The following FABP7 variants were observed in gnomAD, a reference collection of about 807,000 sequenced individuals.
FABP7 encodes fatty acid-binding protein, brain.
FABP7 carries 13 observed loss-of-function variants against 14.2 expected under a neutral mutation model. The ratio of observed to expected loss-of-function variants is 0.91; its 90% CI spans 0.59 to 1.45. The LOEUF is 1.45. Ranked by LOEUF, FABP7 falls within the 40% of genes most tolerant of loss-of-function variation. FABP7 has a pLI of 0.00. For missense variants in FABP7, 149 were observed against 157.6 expected, an observed-to-expected ratio of 0.95 and a Z score of 0.29; for synonymous variants, 49 against 51.4, an observed-to-expected ratio of 0.95 and a Z score of 0.20.
chr6:122,762,011 A>C, the FABP7 span, among the ~76,000 whole-genome samples: 1 of 152,324 alleles, frequency 6.6e-6, no homozygotes, highest in East Asian at 1.9e-4. Context: ...ATCAATAGAA[A>C]AAGAGGGAAT....
the FABP7 span, among the ~76,000 whole-genome samples, chr6:122,759,427 T>C: frequency 6.6e-6 from 1 of 152,214 alleles, no homozygotes; most frequent in East Asian, 1.9e-4. Flanking sequence ...CTTCTTTTCT[T>C]CCTATTTTTC....
chr6:122,780,365 G>C lies in FABP7; in HGVS notation c.148G>C (p.Val50Leu). 1 of 1,614,180 alleles carries C rather than the reference G, an allele frequency of 6.2e-7. No individual in the cohort carries two copies. ...AATTATCAGTCAAGAAGGAGACAAA[G>C]TGGTCATCAGGACTCTCAGCACATT... is the stretch of plus-strand genomic sequence containing the variant. ...TVIISQEGDK[V>L]VIRTLSTFKN... is the part of the protein sequence containing the mutation. The change falls in exon 2 of 4, where the codon GTG becomes CTG. Residue 50 changes from valine (V) to leucine (L), a missense_variant. Transcript: ENST00000368444.
chr6:122,781,140 G>A lies in FABP7; in HGVS notation c.294G>A (p.Trp98Ter). The A allele has an allele frequency of 6.2e-7, 1 of 1,613,838 alleles. No individual in the cohort carries two copies. The highest frequency in any genetic ancestry group is 8.5e-7 in the Non-Finnish European group (1 of 1,179,858). ...ACAAACTTGTTCACATACAGAAATG[G>A]GATGGCAAAGAAACAAATTTTGTAA... ...DGDKLVHIQK[W>*]DGKETNFVRE... Residue 98 changes from tryptophan (W) to a stop codon, truncating the protein, a stop_gained, in exon 3 of 4, where the codon TGG becomes TGA. Coordinates refer to ENST00000368444, the MANE Select transcript of FABP7 (RefSeq NM_001446.5). LOFTEE classifies it high-confidence loss of function.
the FABP7 span, among the ~76,000 whole-genome samples, chr6:122,751,671 C>G: frequency 3.9e-5 from 6 of 152,172 alleles, no homozygotes; most frequent in Non-Finnish European, 7.4e-5. Context: ...CTGCAGAACT[C>G]AACAAAGCTT....
chr6:122,760,537 G>GT, the FABP7 span, among the ~76,000 whole-genome samples: 40,245 of 145,852 alleles, frequency 0.28, 6,182 homozygotes, highest in Non-Finnish European at 0.37. Context: ...TCTGCTCTTT[G>GT]TTTTTTTTTT....
At chr6:122,749,788 C>T in the FABP7 span, among the ~76,000 whole-genome samples, 2 of 152,162 alleles carry the variant, frequency 1.3e-5, no homozygotes, top group East Asian at 1.9e-4. Context: ...AATGATTTCT[C>T]ACAGACAAGA....
Position 122,783,895 on chromosome 6 carries a change from G to C in FABP7, c.*128G>C. ...ATCCTTGGTGTGGAGGTGGAAAATG[G>C]TGATTTAAAAACTTGTTACTCCAAG... is the stretch of plus-strand genomic sequence containing the variant. On this transcript the variant is annotated 3_prime_UTR_variant, in exon 4 of 4. Coordinates refer to ENST00000368444, the MANE Select transcript of FABP7 (RefSeq NM_001446.5). 2.8e-6 allele frequency: 2 copies of C among 723,000 alleles called. No individual in the cohort carries two copies. Among genetic ancestry groups the C allele is most frequent in the Non-Finnish European group, 2.2e-6 (1 of 452,894 alleles). The allele number at this position is 723,000 out of a possible 1,614,324, so 44.8% of individuals were successfully genotyped here. A position where few individuals can be genotyped will look rare whatever the true frequency, so the allele number is the denominator to read the frequency against.
chr6:122,773,440 G>C, the FABP7 span, among the ~76,000 whole-genome samples: 1 of 152,036 alleles, frequency 6.6e-6, no homozygotes, highest in Non-Finnish European at 1.5e-5. Flanking sequence ...AATCTATACT[G>C]TCACCTGTAA....
Position 122,782,602 on chromosome 6 carries a change from A to T in FABP7, c.349-1115A>T, listed in dbSNP as rs2115147293. The T allele has an allele frequency of 4.1e-6, 4 of 985,470 alleles. No homozygotes were observed. The South Asian group carries it at 1.9e-4, about 46-fold the overall frequency. 61.0% of individuals were successfully genotyped at this position (985,470 alleles called of 1,614,324 possible). A position where few individuals can be genotyped will look rare whatever the true frequency, so the allele number is the denominator to read the frequency against. On this transcript the variant is annotated intron_variant, in intron 3 of 3. Coordinates refer to ENST00000368444, the MANE Select transcript of FABP7 (RefSeq NM_001446.5). Reference sequence around the variant, plus strand: ...CACTTTTTGTGTGACCTGCAATGGTATATTGATGATACTGACATAGGTGGG... The same window carrying T: ...CACTTTTTGTGTGACCTGCAATGGTTTATTGATGATACTGACATAGGTGGG...
intron 3 of FABP7, 39 bp from the exon 4 acceptor site, chr6:122,783,677 TC>T (rs1461346129): frequency 1.3e-6 from 2 of 1,558,004 alleles, no homozygotes; most frequent in Non-Finnish European, 1.7e-6. Flanking sequence ...TGACTGAAGT[TC>T]CTGTATAAAA....
Position 122,780,348 on chromosome 6 carries a change from G to C in FABP7, c.131G>C (p.Ser44Thr), listed in dbSNP as rs777654295. 6.2e-7 allele frequency: 1 copy of C among 1,614,006 alleles called. No individual in the cohort carries two copies. Among genetic ancestry groups the C allele is most frequent in the African/African-American group, 1.3e-5 (1 of 74,922 alleles). ...GTGACCAAACCAACGGTAATTATCA[G>C]TCAAGAAGGAGACAAAGTGGTCATC... ...GNVTKPTVII[S>T]QEGDKVVIRT... The change falls in exon 2 of 4, where the codon AGT becomes ACT. Residue 44 changes from serine to threonine, a missense_variant. Physicochemically the swap from Ser to Thr is moderately conservative, Grantham distance 58. Coordinates refer to ENST00000368444, the MANE Select transcript of FABP7 (RefSeq NM_001446.5).
chr6:122,763,649 G>T, the FABP7 span, among the ~76,000 whole-genome samples: 1 of 152,070 alleles, frequency 6.6e-6, no homozygotes, highest in South Asian at 2.1e-4. Context: ...ATCTGACAAA[G>T]GGCTAATATC....
chr6:122,768,927 T>C, the FABP7 span, among the ~76,000 whole-genome samples: 1 of 152,108 alleles, frequency 6.6e-6, no homozygotes, highest in Admixed American at 6.6e-5. Flanking sequence ...GGAATGAGGA[T>C]ATCACCATTC....
chr6:122,751,840 C>G, the FABP7 span, among the ~76,000 whole-genome samples: 1 of 152,152 alleles, frequency 6.6e-6, no homozygotes, highest in Admixed American at 6.5e-5. Context: ...GCCTTGCTAG[C>G]TCCCAGGCTC....
the FABP7 span, among the ~76,000 whole-genome samples, chr6:122,758,876 T>A: frequency 6.6e-6 from 1 of 152,182 alleles, no homozygotes; most frequent in Non-Finnish European, 1.5e-5. Context: ...ACTTTTTTGA[T>A]GGGGTAAAAC....
At chr6:122,771,597 C>A in the FABP7 span, among the ~76,000 whole-genome samples, 19 of 152,302 alleles carry the variant, frequency 1.2e-4, no homozygotes. Context: ...TGGCATGGCA[C>A]AAAACTCTCC....
chr6:122,779,814 C>T lies in FABP7; in HGVS notation c.20C>T (p.Ala7Val). 1 of 1,614,154 alleles carries T rather than the reference C, an allele frequency of 6.2e-7. No homozygotes were observed. Among genetic ancestry groups the T allele is most frequent in the Non-Finnish European group, 8.5e-7 (1 of 1,180,026 alleles). ...GCAAGGATGGTGGAGGCTTTCTGTG[C>T]TACCTGGAAGCTGACCAACAGTCAG... MVEAFCATWKLTNSQNF... is the reference protein window; with the variant it reads MVEAFCVTWKLTNSQNF... The change falls in exon 1 of 4, where the codon GCT (alanine) becomes GTT (valine). Residue 7 changes from alanine (A) to valine (V), a missense_variant. Coordinates refer to ENST00000368444, the MANE Select transcript of FABP7 (RefSeq NM_001446.5).
At chr6:122,782,073 G>C in intron 3 of FABP7, 1 of 985,290 alleles carries the variant, frequency 1.0e-6, no homozygotes, top group Non-Finnish European at 1.2e-6. Flanking sequence ...CCATTTTGAT[G>C]TTACTTCTTT....
intron 3 of FABP7, chr6:122,782,685 T>A (rs1780822652): frequency 1.0e-6 from 1 of 985,328 alleles, no homozygotes; most frequent in Non-Finnish European, 1.2e-6. Flanking sequence ...CCTTGTACGA[T>A]GACAGCAGAG....
Sources: allele counts gnomAD v4.1 joint callset (sites outside exome capture counted in the v4.1 genomes callset), GRCh38; gene constraint gnomAD v4.1.1; transcripts MANE v1.5; gene names NCBI Gene and HGNC (gene_info 2026-07-23, HGNC 2026-07-21).